Variants in LRRFIP2 observed in about 807,000 individuals in gnomAD.
LRRFIP2 encodes LRR binding FLII interacting protein 2, also known as leucine-rich repeat flightless-interacting protein 2.
Under a neutral mutation model 125.9 loss-of-function variants are expected in LRRFIP2, and 109 were observed. That is an observed-to-expected ratio of 0.87 (90% CI 0.74 to 1.01). The LOEUF (loss-of-function observed/expected upper bound fraction) is 1.01, where lower values mean the gene tolerates loss of function less well. Among genes scored for constraint, LRRFIP2 ranks in the 50% least tolerant of loss-of-function variants. LRRFIP2 has a pLI of 0.00. For synonymous variants in LRRFIP2, 291 were observed against 293.1 expected (o/e 0.99, Z 0.07); for missense variants, 850 against 862.3 (o/e 0.99, Z 0.18).
At chr3:37,165,857 G>GAAAGAAAGAAAGAA (rs754269332) in intron 1 of LRRFIP2, among the ~76,000 whole-genome samples, 1 of 123,786 alleles carries the variant, frequency 8.1e-6, no homozygotes, top group South Asian at 2.5e-4. Flanking sequence ...AAGAAAGAAA[G>GAAAGAAAGAAAGAA]AGAAAGAAAG....
intron 4 of LRRFIP2, among the ~76,000 whole-genome samples, chr3:37,122,640 T>C (rs1021562340): frequency 6.6e-6 from 1 of 152,170 alleles, no homozygotes; most frequent in Non-Finnish European, 1.5e-5. Context: ...AAGAACTAAC[T>C]GAAACAGAGC....
At chr3:37,061,191 G>C (rs1251193003) in intron 24 of LRRFIP2, among the ~76,000 whole-genome samples, 1 of 152,056 alleles carries the variant, frequency 6.6e-6, no homozygotes, top group Non-Finnish European at 1.5e-5. Flanking sequence ...GAAGTTTCCT[G>C]AGGCTGGCTG....
At chr3:37,110,342 C>CT (rs1480654926) in intron 9 of LRRFIP2, among the ~76,000 whole-genome samples, 1 of 152,122 alleles carries the variant, frequency 6.6e-6, no homozygotes, top group Non-Finnish European at 1.5e-5. Flanking sequence ...TGAGGACATA[C>CT]TTTTCAAGTT....
Position 37,060,249 on chromosome 3 carries a change from A to T in LRRFIP2, c.1750-1339T>A, listed in dbSNP as rs2088185441. 6.6e-6 allele frequency among the ~76,000 whole-genome samples: 1 copy of T among 152,084 alleles called. No homozygotes were observed. The highest frequency in any genetic ancestry group is 2.4e-5 in the African/African-American group (1 of 41,406). Reference sequence around the variant, plus strand: ...ATCCCCCCTTTACCCTCGTGCTCTGATAACCCTCTCCTGCTGCTTCTGCAG... The same window carrying T: ...ATCCCCCCTTTACCCTCGTGCTCTGTTAACCCTCTCCTGCTGCTTCTGCAG... On this transcript the variant is annotated intron_variant, in intron 24 of 27. Coordinates refer to ENST00000336686, the MANE Select transcript of LRRFIP2 (RefSeq NM_006309.4). The surrounding 1 kb of genome is among the most constrained non-coding windows in gnomAD (Gnocchi z 4.1).
intron 6 of LRRFIP2, among the ~76,000 whole-genome samples, chr3:37,116,083 T>G (rs1424887948): frequency 2.0e-5 from 3 of 152,190 alleles, no homozygotes; most frequent in Non-Finnish European, 4.4e-5. Context: ...TTCATAAGGA[T>G]AGGTTGCAAT....
intron 1 of LRRFIP2, among the ~76,000 whole-genome samples, chr3:37,155,330 T>C (rs2096153439): frequency 6.6e-6 from 1 of 152,238 alleles, no homozygotes; most frequent in Admixed American, 6.5e-5. Context: ...AGCAATCCTT[T>C]TCATACTTTT....
At chr3:37,126,702 T>C (rs2095286779) in intron 4 of LRRFIP2, among the ~76,000 whole-genome samples, 1 of 151,392 alleles carries the variant, frequency 6.6e-6, no homozygotes. Flanking sequence ...CCACTAAAAA[T>C]ACAAAAATCA....
chr3:37,172,492 T>C (rs2096599272), intron 1 of LRRFIP2, among the ~76,000 whole-genome samples: 1 of 152,230 alleles, frequency 6.6e-6, no homozygotes, highest in Admixed American at 6.5e-5. Context: ...AAGGAAAGGC[T>C]GGGAGTTTGT....
At chr3:37,154,244 C>G (rs1271022703) in intron 1 of LRRFIP2, among the ~76,000 whole-genome samples, 1 of 152,246 alleles carries the variant, frequency 6.6e-6, no homozygotes, top group South Asian at 2.1e-4. Context: ...TCTAGTAACT[C>G]CAGGTCATTC....
intron 17 of LRRFIP2, among the ~76,000 whole-genome samples, chr3:37,092,796 C>T (rs1288803032): frequency 6.6e-6 from 1 of 152,176 alleles, no homozygotes. Context: ...CCTAACCCCC[C>T]AACCCATTTT....
chr3:37,153,366 A>G (rs1217721578), intron 1 of LRRFIP2, among the ~76,000 whole-genome samples: 1 of 152,138 alleles, frequency 6.6e-6, no homozygotes, highest in Non-Finnish European at 1.5e-5. Flanking sequence ...AGCCTGGGTG[A>G]CAGAGTGAGA....
chr3:37,077,828 GAA>G (rs1307577944), intron 19 of LRRFIP2, among the ~76,000 whole-genome samples: 1 of 152,150 alleles, frequency 6.6e-6, no homozygotes, highest in Non-Finnish European at 1.5e-5. Flanking sequence ...CTTTAAAAAA[GAA>G]ACTCTTGTCA....
rs1183166006 is a variant in LRRFIP2 at position 37,103,096 on chromosome 3, A to G, written c.784-83T>C. 3.9e-6 allele frequency: 4 copies of G among 1,030,790 alleles called. No individual in the cohort carries two copies. In the East Asian group the frequency reaches 1.1e-4, roughly 29 times the overall value. 63.9% of individuals were successfully genotyped at this position (1,030,790 alleles called of 1,614,324 possible). A position where few individuals can be genotyped will look rare whatever the true frequency, so the allele number is the denominator to read the frequency against. ...ATAAGAACATTGGCCAATTAGGGAAAAGTTTTTTAAAATTTTGATGGGTGA... is the reference window on the plus strand; with the variant it reads ...ATAAGAACATTGGCCAATTAGGGAAGAGTTTTTTAAAATTTTGATGGGTGA... On this transcript the variant is annotated intron_variant, in intron 14 of 27. Coordinates refer to ENST00000336686, the MANE Select transcript of LRRFIP2 (RefSeq NM_006309.4).
At chr3:37,103,629 C>T (rs539202775) in intron 14 of LRRFIP2, among the ~76,000 whole-genome samples, 1 of 152,186 alleles carries the variant, frequency 6.6e-6, no homozygotes, top group Non-Finnish European at 1.5e-5. Flanking sequence ...CTTCAAGCAA[C>T]TGGCTCCTCA....
chr3:37,127,685 A>G lies in LRRFIP2; in HGVS notation c.178-5T>C. ...ATCAAAGGAATGAAGAGAGTACTAG[A>G]AATGCAAAAATTTCATAAACCAAAT... On this transcript the variant is annotated splice_polypyrimidine_tract_variant and splice_region_variant and intron_variant, in intron 3 of 27. Coordinates refer to ENST00000336686, the MANE Select transcript of LRRFIP2 (RefSeq NM_006309.4). The G allele has an allele frequency of 6.2e-7, 1 of 1,613,318 alleles. No individual in the cohort carries two copies. Among genetic ancestry groups the G allele is most frequent in the South Asian group, 1.1e-5 (1 of 91,056 alleles).
chr3:37,115,552 G>A (rs1334635772), intron 6 of LRRFIP2, among the ~76,000 whole-genome samples: 3 of 152,180 alleles, frequency 2.0e-5, no homozygotes, highest in Non-Finnish European at 2.9e-5. Context: ...TAACAAGCAT[G>A]GTCAAGCTTA....
At chr3:37,102,645 T>C (rs1188717321) in intron 15 of LRRFIP2, among the ~76,000 whole-genome samples, 1 of 151,636 alleles carries the variant, frequency 6.6e-6, no homozygotes, top group Non-Finnish European at 1.5e-5. Context: ...ATTACAGGTG[T>C]GCGCCCCCAC....
At chr3:37,077,065 T>A (rs1225382426) in intron 19 of LRRFIP2, among the ~76,000 whole-genome samples, 1 of 152,084 alleles carries the variant, frequency 6.6e-6, no homozygotes, top group Non-Finnish European at 1.5e-5. Flanking sequence ...AACAGAACTA[T>A]GGGGAAAGAA....
At chr3:37,127,754 T>G (rs1184459523) in intron 3 of LRRFIP2, 74 bp from the exon 4 acceptor site, 3 of 1,165,202 alleles carry the variant, frequency 2.6e-6, no homozygotes, top group Non-Finnish European at 3.8e-6. Context: ...AAATTAATCA[T>G]ACACATTTTC....
Sources: gnomAD v4.1 joint callset for allele counts (sites outside exome capture counted in the v4.1 genomes callset) on GRCh38, gnomAD v4.1.1 for gene constraint, Gnocchi (gnomAD v3.1) non-coding constraint, MANE v1.5 for transcripts, NCBI Gene and HGNC (gene_info 2026-07-23, HGNC 2026-07-21) for gene names.